CNTN5: variants seen among roughly 807,000 people sequenced by gnomAD.
The protein encoded by CNTN5 is contactin 5.
CNTN5 carries 77 observed loss-of-function variants against 129.1 expected under a neutral mutation model. The observed-to-expected ratio is 0.60, with a 90% CI of 0.50 to 0.72. The LOEUF is 0.72. Among genes scored for constraint, CNTN5 ranks in the 30% least tolerant of loss-of-function variants. The pLI is 0.00. For missense variants in CNTN5, 1,478 were observed against 1,328.8 expected, an observed-to-expected ratio of 1.11 and a Z score of -1.75; for synonymous variants, 509 against 465.6, an observed-to-expected ratio of 1.09 and a Z score of -1.20.
At chr11:100,193,224 T>C (rs1414218721) in intron 14 of CNTN5, among the ~76,000 whole-genome samples, 1 of 151,940 alleles carries the variant, frequency 6.6e-6, no homozygotes, top group Non-Finnish European at 1.5e-5. Flanking sequence ...AAATGCTGCT[T>C]CTAATTAGGT....
intron 6 of CNTN5, among the ~76,000 whole-genome samples, chr11:99,904,321 G>A (rs571340245): frequency 2.0e-5 from 3 of 151,940 alleles, no homozygotes; most frequent in African/African-American, 4.8e-5. Context: ...GTCCCAGTGT[G>A]TGATGTTCCC....
chr11:99,767,123 CTT>C (rs1944781882), intron 3 of CNTN5, among the ~76,000 whole-genome samples: 1 of 152,072 alleles, frequency 6.6e-6, no homozygotes, highest in Non-Finnish European at 1.5e-5. Context: ...CTCTCTCTCT[CTT>C]TCTCTACTTC....
chr11:99,036,845 T>G (rs1863759542), intron 1 of CNTN5, among the ~76,000 whole-genome samples: 1 of 152,192 alleles, frequency 6.6e-6, no homozygotes, highest in Non-Finnish European at 1.5e-5. Context: ...AACACATTTT[T>G]TATTTGACCT....
At chr11:99,259,965 T>A (rs914973242) in intron 1 of CNTN5, among the ~76,000 whole-genome samples, 28 of 151,888 alleles carry the variant, frequency 1.8e-4, no homozygotes, top group African/African-American at 4.6e-4. Flanking sequence ...TTCACTTTTT[T>A]AATTTTCCTT....
chr11:100,086,751 C>A (rs1482276638), intron 13 of CNTN5, among the ~76,000 whole-genome samples: 2 of 151,296 alleles, frequency 1.3e-5, no homozygotes, highest in East Asian at 1.9e-4. Flanking sequence ...ATAATATTAA[C>A]CCCCCAAAAC....
intron 7 of CNTN5, among the ~76,000 whole-genome samples, chr11:99,920,536 C>G (rs1034736511): frequency 1.3e-5 from 2 of 152,176 alleles, no homozygotes; most frequent in Non-Finnish European, 2.9e-5. Flanking sequence ...CAAACCTTCT[C>G]TAGCTACAGT....
intron 1 of CNTN5, among the ~76,000 whole-genome samples, chr11:99,113,120 T>TAC (rs979170205): frequency 2.0e-4 from 30 of 152,036 alleles, no homozygotes; most frequent in Middle Eastern, 3.2e-3. Context: ...TAAAAATACA[T>TAC]ACACACAGGA....
chr11:99,885,900 T>G (rs1023167645), intron 6 of CNTN5, among the ~76,000 whole-genome samples: 1 of 152,158 alleles, frequency 6.6e-6, no homozygotes, highest in Non-Finnish European at 1.5e-5. Context: ...AAGAGGAAAT[T>G]AAAGCTTAAC....
intron 15 of CNTN5, among the ~76,000 whole-genome samples, chr11:100,219,107 A>G (rs571288540): frequency 3.3e-5 from 5 of 152,322 alleles, no homozygotes; most frequent in African/African-American, 1.2e-4. Context: ...GTATTGTGCT[A>G]TCAAATAACA....
At chr11:99,855,245 G>A (rs868371870) in intron 6 of CNTN5, among the ~76,000 whole-genome samples, 3 of 152,092 alleles carry the variant, frequency 2.0e-5, no homozygotes, top group Non-Finnish European at 4.4e-5. Flanking sequence ...GGAGTACTAG[G>A]TGAGCTATGA....
intron 13 of CNTN5, among the ~76,000 whole-genome samples, chr11:100,077,051 A>G (rs1307966709): frequency 6.6e-6 from 1 of 152,158 alleles, no homozygotes; most frequent in Non-Finnish European, 1.5e-5. Flanking sequence ...AACAATGTCA[A>G]ATGCCTATAT....
chr11:99,908,610 G>C (rs180743598), intron 6 of CNTN5, among the ~76,000 whole-genome samples: 51 of 152,122 alleles, frequency 3.4e-4, no homozygotes, highest in African/African-American at 1.2e-3. Flanking sequence ...ACCTCTGCCA[G>C]AGTTCATAGA....
At chr11:99,848,213 A>G (rs191765845) in intron 6 of CNTN5, among the ~76,000 whole-genome samples, 1 of 152,258 alleles carries the variant, frequency 6.6e-6, no homozygotes, top group Admixed American at 6.5e-5. Context: ...CCTTCTCAAA[A>G]CAAAACAAAA....
At chr11:99,998,156 G>A (rs1239780696) in intron 8 of CNTN5, among the ~76,000 whole-genome samples, 5 of 151,824 alleles carry the variant, frequency 3.3e-5, no homozygotes, top group South Asian at 2.1e-4. Context: ...TCTGGGCAGG[G>A]CAATCAGGCA....
chr11:99,193,093 A>G (rs1858728318), intron 1 of CNTN5, among the ~76,000 whole-genome samples: 1 of 152,190 alleles, frequency 6.6e-6, no homozygotes, highest in Non-Finnish European at 1.5e-5. Context: ...CATAAACTTA[A>G]ATCATGAAAT....
chr11:99,896,272 A>G (rs1263158686), intron 6 of CNTN5, among the ~76,000 whole-genome samples: 1 of 152,044 alleles, frequency 6.6e-6, no homozygotes. Context: ...TCGGCCCATA[A>G]CACACTTACT....
chr11:99,843,996 C>T (rs1947600048), intron 4 of CNTN5, among the ~76,000 whole-genome samples: 1 of 152,190 alleles, frequency 6.6e-6, no homozygotes, highest in Admixed American at 6.5e-5. Context: ...CATCATTTCT[C>T]CAGCTGACTT....
At chr11:99,918,453 C>T (rs1215797468) in intron 7 of CNTN5, among the ~76,000 whole-genome samples, 2 of 151,868 alleles carry the variant, frequency 1.3e-5, no homozygotes, top group South Asian at 2.1e-4. Context: ...TTTTAAAAAC[C>T]TATTATTTTT....
At chr11:100,039,726 C>A (rs897529152) in intron 9 of CNTN5, among the ~76,000 whole-genome samples, 1 of 152,164 alleles carries the variant, frequency 6.6e-6, no homozygotes, top group Admixed American at 6.6e-5. Context: ...ATTTTGTCTT[C>A]CATCACTGAT....
Sources: allele counts gnomAD v4.1 joint callset (sites outside exome capture counted in the v4.1 genomes callset), GRCh38; gene constraint gnomAD v4.1.1; transcripts MANE v1.5; gene names NCBI Gene and HGNC (gene_info 2026-07-23, HGNC 2026-07-21).